The following DMD variants were observed in gnomAD, a reference collection of about 807,000 sequenced individuals.
DMD encodes the protein dystrophin.
In DMD, 63 loss-of-function variants were observed where a neutral mutation model predicts 330.1. That is an observed-to-expected ratio of 0.19 (90% CI 0.16 to 0.24). The LOEUF (loss-of-function observed/expected upper bound fraction) is 0.24, where lower values mean the gene tolerates loss of function less well. DMD is among the 10% of genes least tolerant of loss of function. DMD has a pLI of 1.00. For missense variants in DMD, 3,344 were observed against 2,684.1 expected (o/e 1.25, Z -5.43); for synonymous variants, 1,223 against 959.8 (o/e 1.27, Z -5.07).
At chrX:31,691,157 G>A (rs2083095437) in intron 52 of DMD, among the ~76,000 whole-genome samples, 2 of 111,111 alleles carry the variant, frequency 1.8e-5, no homozygotes, top group South Asian at 7.6e-4. Flanking sequence ...AACATAAAAT[G>A]TGGGAGGAGG....
chrX:31,577,417 A>T (rs758218627), intron 55 of DMD, among the ~76,000 whole-genome samples: 8 of 112,252 alleles, frequency 7.1e-5, no homozygotes, highest in Non-Finnish European at 1.3e-4. Flanking sequence ...TATTAATGTG[A>T]ATATAACAGG....
chrX:31,615,156 A>G (rs2078130129), intron 55 of DMD, among the ~76,000 whole-genome samples: 1 of 111,527 alleles, frequency 9.0e-6, no homozygotes, highest in African/African-American at 3.3e-5. Flanking sequence ...GGAGGAGGAG[A>G]AAGTGACACA....
chrX:32,041,649 AC>A (rs1160941989), intron 44 of DMD, among the ~76,000 whole-genome samples: 61 of 110,483 alleles, frequency 5.5e-4, no homozygotes, highest in Non-Finnish European at 1.0e-3. Flanking sequence ...ACATTGAAAG[AC>A]TCATTGTCTG....
At chrX:32,478,378 T>C (rs1202902201) in intron 21 of DMD, among the ~76,000 whole-genome samples, 2 of 111,669 alleles carry the variant, frequency 1.8e-5, no homozygotes, top group Non-Finnish European at 3.8e-5. Context: ...TCATTCCCCA[T>C]GATCAATCTA....
intron 1 of DMD, among the ~76,000 whole-genome samples, chrX:33,252,319 T>C (rs1233695169): frequency 9.0e-6 from 1 of 110,608 alleles, no homozygotes; most frequent in Admixed American, 9.7e-5. Context: ...AAGTACTATC[T>C]CCTTTTGTCT....
chrX:32,815,520 T>TATATATATATAATATATATACAC, intron 6 of DMD, among the ~76,000 whole-genome samples: 2 of 78,959 alleles, frequency 2.5e-5, no homozygotes, highest in African/African-American at 1.1e-4. Flanking sequence ...TATATATATA[T>TATATATATATAATATATATACAC]ACACACACAC....
chrX:32,119,263 C>T (rs181178303), intron 44 of DMD, among the ~76,000 whole-genome samples: 261 of 104,646 alleles, frequency 2.5e-3, no homozygotes, highest in Middle Eastern at 0.015. Flanking sequence ...GAACCTGGGA[C>T]GCGGAGGTTT....
intron 26 of DMD, among the ~76,000 whole-genome samples, chrX:32,450,196 A>G (rs2148301716): frequency 9.0e-6 from 1 of 110,824 alleles, no homozygotes; most frequent in South Asian, 3.7e-4. Context: ...GCCTGCATAC[A>G]ATGCGGTGGT....
chrX:32,400,540 T>C (rs761078775), intron 30 of DMD, among the ~76,000 whole-genome samples: 34 of 111,208 alleles, frequency 3.1e-4, no homozygotes, highest in Non-Finnish European at 5.3e-4. Context: ...ATGGTATCAG[T>C]TCCTCCTTGT....
At chrX:33,052,557 AAC>A (rs2094469719) in intron 1 of DMD, among the ~76,000 whole-genome samples, 1 of 111,883 alleles carries the variant, frequency 8.9e-6, no homozygotes, top group Non-Finnish European at 1.9e-5. Context: ...CAAGGGACTG[AAC>A]ACACATAGTC....
chrX:32,421,545 T>A (rs971598962), intron 29 of DMD, among the ~76,000 whole-genome samples: 1 of 111,651 alleles, frequency 9.0e-6, no homozygotes, highest in Admixed American at 9.5e-5. Flanking sequence ...AGGGAACAGA[T>A]AAACACTGGC....
chrX:32,922,451 C>T, intron 2 of DMD, among the ~76,000 whole-genome samples: 1 of 111,939 alleles, frequency 8.9e-6, no homozygotes, highest in Non-Finnish European at 1.9e-5. Context: ...AAGTGGTCCC[C>T]AACCTTTTTA....
intron 59 of DMD, among the ~76,000 whole-genome samples, chrX:31,459,997 A>G (rs1180768470): frequency 8.9e-6 from 1 of 111,926 alleles, no homozygotes; most frequent in Non-Finnish European, 1.9e-5. Context: ...CTCCTCTCCC[A>G]GATTCTAGGA....
intron 1 of DMD, among the ~76,000 whole-genome samples, chrX:33,179,660 C>T (rs1421379082): frequency 5.3e-4 from 56 of 104,719 alleles, no homozygotes; most frequent in Admixed American, 1.2e-3. Flanking sequence ...CGCCACTGCA[C>T]TCTAGCCTGG....
chrX:32,758,427 T>G (rs937502134), intron 7 of DMD, among the ~76,000 whole-genome samples: 1 of 111,583 alleles, frequency 9.0e-6, no homozygotes, highest in East Asian at 2.8e-4. Context: ...GGTACCTCTC[T>G]ACAGGCTTGC....
At chrX:32,530,261 T>A (rs952551524) in intron 17 of DMD, among the ~76,000 whole-genome samples, 84 of 112,507 alleles carry the variant, frequency 7.5e-4, no homozygotes, top group African/African-American at 2.6e-3. Flanking sequence ...TGATTTAATG[T>A]TTTAAGCTAT....
chrX:32,310,201 A>T lies in DMD; in HGVS notation c.5998T>A (p.Tyr2000Asn). The T allele has an allele frequency of 1.7e-6, 2 of 1,208,952 alleles. No individual in the cohort carries two copies. Among genetic ancestry groups the T allele is most frequent in the Non-Finnish European group, 2.2e-6 (2 of 893,358 alleles). Residue 2000 changes from tyrosine (Y) to asparagine (N), a missense_variant, in exon 42 of 79, where the codon TAT (tyrosine) becomes AAT (asparagine). Transcript: ENST00000357033. ...GAGACATGAGTGATTTCAGTCAAAT[A>T]AGTAGAAGGCACATAAGAAATTTCC... ...PLEISYVPST[Y>N]LTEITHVSQA... is the part of the protein sequence containing the mutation.
At chrX:31,498,301 C>T (rs1424043124) in intron 56 of DMD, among the ~76,000 whole-genome samples, 1 of 111,565 alleles carries the variant, frequency 9.0e-6, no homozygotes, top group Non-Finnish European at 1.9e-5. Flanking sequence ...ATGCAAAACC[C>T]CAACCTACTG....
At chrX:31,989,749 T>C (rs142216355) in intron 44 of DMD, among the ~76,000 whole-genome samples, 4,284 of 111,816 alleles carry the variant, frequency 0.038, 91 homozygotes, top group Non-Finnish European at 0.06. Context: ...AAAATTTTAT[T>C]TTAAAAATGA....
Sources: allele counts gnomAD v4.1 joint callset (sites outside exome capture counted in the v4.1 genomes callset), GRCh38; gene constraint gnomAD v4.1.1; transcripts MANE v1.5; gene names NCBI Gene and HGNC (gene_info 2026-07-23, HGNC 2026-07-21).